Variants in MCC observed in about 807,000 individuals in gnomAD.
The protein encoded by MCC is colorectal mutant cancer protein.
Under a neutral mutation model 116.2 loss-of-function variants are expected in MCC, and 90 were observed. The observed-to-expected ratio is 0.77, with a 90% CI of 0.65 to 0.92. The LOEUF (loss-of-function observed/expected upper bound fraction) is 0.92, where lower values mean the gene tolerates loss of function less well. Among genes scored for constraint, MCC ranks in the 40% least tolerant of loss-of-function variants. The pLI is 0.00. For synonymous variants in MCC, 578 were observed against 510.5 expected (o/e 1.13, Z -1.78); for missense variants, 1,516 against 1,312.2 (o/e 1.16, Z -2.40).
At chr5:113,157,673 A>G (rs144435712) in intron 3 of MCC, among the ~76,000 whole-genome samples, 189 of 152,332 alleles carry the variant, frequency 1.2e-3, no homozygotes, top group Middle Eastern at 0.01. Context: ...GCCAGCGTGC[A>G]TCTATTGCCT....
At chr5:113,377,452 T>G (rs888793885) in intron 2 of MCC, among the ~76,000 whole-genome samples, 1 of 151,778 alleles carries the variant, frequency 6.6e-6, no homozygotes, top group African/African-American at 2.4e-5. Flanking sequence ...GTCAATTAAG[T>G]AGATAAAAGA....
At chr5:113,057,491 A>G (rs1752910961) in intron 14 of MCC, among the ~76,000 whole-genome samples, 1 of 80,334 alleles carries the variant, frequency 1.2e-5, no homozygotes. Flanking sequence ...TGTTTTCTCA[A>G]GCTGTATTTT....
At chr5:113,071,266 G>C in intron 11 of MCC, 32 bp from the exon 12 acceptor site, 2 of 1,601,830 alleles carry the variant, frequency 1.2e-6, no homozygotes, top group Non-Finnish European at 1.7e-6. Flanking sequence ...ATTCACACTA[G>C]GGTTACAGTT....
intron 3 of MCC, among the ~76,000 whole-genome samples, chr5:113,326,331 T>C (rs1767552017): frequency 6.6e-6 from 1 of 152,196 alleles, no homozygotes. Context: ...TATAACAAAA[T>C]ACCTGAGACT....
At chr5:113,308,372 T>C (rs1767045757) in intron 3 of MCC, among the ~76,000 whole-genome samples, 1 of 152,196 alleles carries the variant, frequency 6.6e-6, no homozygotes. Context: ...ACAGGGCTGG[T>C]ATGACTGTAT....
chr5:113,422,198 AT>A (rs1225878445), intron 1 of MCC, among the ~76,000 whole-genome samples: 2 of 152,184 alleles, frequency 1.3e-5, no homozygotes, highest in Non-Finnish European at 2.9e-5. Context: ...ATTTGAAGCT[AT>A]CATTGTCACA....
chr5:113,304,898 A>G (rs1223401934), intron 3 of MCC, among the ~76,000 whole-genome samples: 1 of 152,212 alleles, frequency 6.6e-6, no homozygotes, highest in African/African-American at 2.4e-5. Context: ...TGCTTAAATT[A>G]AATGAATTCC....
chr5:113,028,380 A>AT (rs67842639), intron 18 of MCC, among the ~76,000 whole-genome samples: 2,255 of 150,414 alleles, frequency 0.015, 44 homozygotes, highest in African/African-American at 0.048. Context: ...TAAAAATGCC[A>AT]TTTTTTTTTT....
intron 3 of MCC, among the ~76,000 whole-genome samples, chr5:113,167,858 A>T (rs571719397): frequency 1.3e-5 from 2 of 152,220 alleles, no homozygotes; most frequent in South Asian, 4.1e-4. Context: ...CTGAACTCCT[A>T]GGCTTAAGCA....
At chr5:113,324,485 G>A (rs886416855) in intron 3 of MCC, among the ~76,000 whole-genome samples, 21 of 152,160 alleles carry the variant, frequency 1.4e-4, no homozygotes, top group African/African-American at 4.8e-4. Flanking sequence ...TTGTTTTCAT[G>A]TTGGTGAGTA....
chr5:113,349,569 C>T (rs1429091122), intron 2 of MCC, among the ~76,000 whole-genome samples: 2 of 151,946 alleles, frequency 1.3e-5, no homozygotes, highest in Admixed American at 1.3e-4. Context: ...CTAAATGTGG[C>T]AGACCCACAG....
chr5:113,245,933 T>G (rs1046671581), intron 3 of MCC, among the ~76,000 whole-genome samples: 2 of 152,182 alleles, frequency 1.3e-5, no homozygotes, highest in African/African-American at 4.8e-5. Context: ...GGGCTTCTCA[T>G]GACACTGAGG....
At chr5:113,141,019 GT>G (rs1465700450) in intron 5 of MCC, among the ~76,000 whole-genome samples, 2 of 152,202 alleles carry the variant, frequency 1.3e-5, no homozygotes, top group Admixed American at 6.5e-5. Flanking sequence ...TGTGTGAGTT[GT>G]TGGACTCGGG....
chr5:113,341,715 ATGG>A (rs764989778), intron 2 of MCC, among the ~76,000 whole-genome samples: 1 of 152,350 alleles, frequency 6.6e-6, no homozygotes, highest in East Asian at 1.9e-4. Flanking sequence ...TGTGGTACAG[ATGG>A]TGGAGCCACA....
intron 2 of MCC, among the ~76,000 whole-genome samples, chr5:113,356,696 C>A (rs921534899): frequency 6.6e-6 from 1 of 152,120 alleles, no homozygotes; most frequent in Non-Finnish European, 1.5e-5. Flanking sequence ...GCTTCAAGGC[C>A]TACAATTACA....
intron 8 of MCC, among the ~76,000 whole-genome samples, chr5:113,086,554 C>T (rs184043606): frequency 7.2e-5 from 11 of 152,334 alleles, no homozygotes; most frequent in Non-Finnish European, 1.5e-4. Context: ...ACATTTAAAA[C>T]GTGCATTTAC....
chr5:113,200,699 C>A (rs1762636220), intron 3 of MCC, among the ~76,000 whole-genome samples: 1 of 152,074 alleles, frequency 6.6e-6, no homozygotes, highest in Non-Finnish European at 1.5e-5. Context: ...AAAGCCTAGC[C>A]AACCTTATAA....
At chr5:113,111,633 C>T (rs997868420) in intron 6 of MCC, among the ~76,000 whole-genome samples, 1 of 152,182 alleles carries the variant, frequency 6.6e-6, no homozygotes, top group Non-Finnish European at 1.5e-5. Flanking sequence ...AATTCACTAA[C>T]GTTTCAGTGA....
intron 12 of MCC, among the ~76,000 whole-genome samples, chr5:113,068,722 C>A (rs1753804542): frequency 6.6e-6 from 1 of 152,208 alleles, no homozygotes; most frequent in Admixed American, 6.5e-5. Flanking sequence ...CTCAGGCAGC[C>A]CTATGGAGAG....
Sources: allele counts gnomAD v4.1 joint callset (sites outside exome capture counted in the v4.1 genomes callset), GRCh38; gene constraint gnomAD v4.1.1; transcripts MANE v1.5; gene names NCBI Gene and HGNC (gene_info 2026-07-23, HGNC 2026-07-21).